The following SLCO6A1 variants were observed in gnomAD, a reference collection of about 807,000 sequenced individuals.
SLCO6A1 encodes solute carrier organic anion transporter family member 6A1.
In SLCO6A1, 65 loss-of-function variants were observed where a neutral mutation model predicts 72.7. The observed-to-expected ratio is 0.89, with a 90% CI of 0.73 to 1.10. SLCO6A1 has a LOEUF of 1.10. Among genes scored for constraint, SLCO6A1 ranks in the 50% least tolerant of loss-of-function variants. The pLI, the probability that SLCO6A1 is intolerant of heterozygous loss-of-function variation, is 0.00. For synonymous variants in SLCO6A1, 314 were observed against 298.2 expected, an observed-to-expected ratio of 1.05 and a Z score of -0.55; for missense variants, 874 against 872.6, an observed-to-expected ratio of 1.00 and a Z score of -0.02.
intron 12 of SLCO6A1, among the ~76,000 whole-genome samples, chr5:102,388,002 T>C (rs1305820941): frequency 1.3e-5 from 2 of 152,144 alleles, no homozygotes; most frequent in African/African-American, 2.4e-5. Context: ...TATTGAAAGG[T>C]TATTGTGTTC....
At chr5:102,471,906 G>A (rs1580490318) in intron 4 of SLCO6A1, among the ~76,000 whole-genome samples, 2 of 152,058 alleles carry the variant, frequency 1.3e-5, no homozygotes, top group East Asian at 3.9e-4. Context: ...AGCCCTGAAT[G>A]TCATTGGAAT....
At chr5:102,438,898 T>C in intron 6 of SLCO6A1, 137 bp from the exon 7 acceptor site, 2 of 331,480 alleles carry the variant, frequency 6.0e-6, no homozygotes, top group Non-Finnish European at 1.1e-5. Context: ...GATAGATAGA[T>C]GATAGATAGA....
At chr5:102,462,580 C>T (rs1561482588) in intron 4 of SLCO6A1, among the ~76,000 whole-genome samples, 2 of 152,226 alleles carry the variant, frequency 1.3e-5, no homozygotes, top group Non-Finnish European at 2.9e-5. Context: ...ATAAATAAAG[C>T]CAAATACTTG....
intron 7 of SLCO6A1, among the ~76,000 whole-genome samples, chr5:102,425,834 AAG>A (rs143762186): frequency 0.64 from 95,983 of 150,990 alleles, 30,585 homozygotes; most frequent in African/African-American, 0.66. Context: ...CAAATGAACA[AAG>A]CTGGAAGCAT....
chr5:102,395,773 G>T (rs1268829911), intron 10 of SLCO6A1, among the ~76,000 whole-genome samples: 1 of 152,058 alleles, frequency 6.6e-6, no homozygotes, highest in Non-Finnish European at 1.5e-5. Flanking sequence ...GTTTTGATTT[G>T]CATTTCTCTG....
At chr5:102,446,394 G>T (rs1325659609) in intron 6 of SLCO6A1, among the ~76,000 whole-genome samples, 1 of 152,090 alleles carries the variant, frequency 6.6e-6, no homozygotes, top group African/African-American at 2.4e-5. Flanking sequence ...GTAGAGAAAT[G>T]CTACTGATTT....
intron 1 of SLCO6A1, among the ~76,000 whole-genome samples, chr5:102,491,608 C>T (rs1243169104): frequency 6.6e-6 from 1 of 152,254 alleles, no homozygotes; most frequent in Non-Finnish European, 1.5e-5. Flanking sequence ...CCCCTCACTG[C>T]CTGGGGCCTG....
intron 9 of SLCO6A1, among the ~76,000 whole-genome samples, chr5:102,401,762 C>A (rs1747410654): frequency 6.6e-6 from 1 of 152,062 alleles, no homozygotes; most frequent in Non-Finnish European, 1.5e-5. Flanking sequence ...AAAATAAACA[C>A]CATGATTTCA....
chr5:102,438,568 A>G (rs2112679543), intron 7 of SLCO6A1, 49 bp downstream of exon 7: 1 of 1,486,260 alleles, frequency 6.7e-7, no homozygotes, highest in Non-Finnish European at 9.1e-7. Context: ...AAGTACATAC[A>G]ATAAGACAGT....
intron 1 of SLCO6A1, among the ~76,000 whole-genome samples, chr5:102,490,097 G>T (rs1171000734): frequency 6.6e-6 from 1 of 152,188 alleles, no homozygotes; most frequent in Non-Finnish European, 1.5e-5. Flanking sequence ...AGGGTGGAAG[G>T]AGGGATGCAC....
intron 1 of SLCO6A1, among the ~76,000 whole-genome samples, chr5:102,483,067 A>G (rs1580513123): frequency 6.6e-6 from 1 of 152,334 alleles, no homozygotes; most frequent in East Asian, 1.9e-4. Flanking sequence ...GTCACTATAA[A>G]TAAGACCCCA....
At chr5:102,393,478 C>A (rs1352637566) in intron 10 of SLCO6A1, among the ~76,000 whole-genome samples, 1 of 152,110 alleles carries the variant, frequency 6.6e-6, no homozygotes, top group Non-Finnish European at 1.5e-5. Flanking sequence ...ATCTTCCATC[C>A]TTCAGGGTTT....
chr5:102,486,093 A>C (rs1752433378), intron 1 of SLCO6A1, among the ~76,000 whole-genome samples: 1 of 152,202 alleles, frequency 6.6e-6, no homozygotes, highest in Non-Finnish European at 1.5e-5. Context: ...GTCTCTATTT[A>C]TGATTACTTT....
rs915578491 is a variant in SLCO6A1 at position 102,458,058 on chromosome 5, A to G, written c.1131+324T>C. 2.0e-5 allele frequency among the ~76,000 whole-genome samples: 3 copies of G among 151,586 alleles called. No homozygotes were observed. The East Asian group carries it at 5.9e-4, about 30-fold the overall frequency. ...TAGGTGGGAATTGAACAATAAGAACACATGGACACAGGAAGGGGAACATCA... is the reference window on the plus strand; with the variant it reads ...TAGGTGGGAATTGAACAATAAGAACGCATGGACACAGGAAGGGGAACATCA... On this transcript the variant is annotated intron_variant, in intron 6 of 13. Transcript: ENST00000506729.
intron 1 of SLCO6A1, among the ~76,000 whole-genome samples, chr5:102,495,387 A>G (rs1561507456): frequency 6.6e-6 from 1 of 152,194 alleles, no homozygotes; most frequent in Non-Finnish European, 1.5e-5. Context: ...AGAAGTCAGG[A>G]GTTTGAGACC....
intron 1 of SLCO6A1, among the ~76,000 whole-genome samples, chr5:102,483,903 T>C (rs572822576): frequency 2.2e-4 from 33 of 152,316 alleles, no homozygotes; most frequent in South Asian, 1.7e-3. Flanking sequence ...TGAGTTTGAG[T>C]TCAACTTATG....
intron 9 of SLCO6A1, among the ~76,000 whole-genome samples, chr5:102,412,387 T>C (rs960430637): frequency 6.6e-6 from 1 of 152,268 alleles, no homozygotes; most frequent in Admixed American, 6.5e-5. Flanking sequence ...AGTTTGACTC[T>C]TTTCATTGAC....
chr5:102,443,184 G>A (rs1036132218), intron 6 of SLCO6A1, among the ~76,000 whole-genome samples: 3 of 152,022 alleles, frequency 2.0e-5, no homozygotes, highest in African/African-American at 7.3e-5. Context: ...GAGACAGAGC[G>A]AGACTCCATC....
intron 9 of SLCO6A1, among the ~76,000 whole-genome samples, chr5:102,404,057 T>C (rs571378861): frequency 6.6e-6 from 1 of 152,342 alleles, no homozygotes; most frequent in African/African-American, 2.4e-5. Context: ...ACTTGCCAAT[T>C]TATTCCCTTC....
Sources: gnomAD v4.1 joint callset for allele counts (sites outside exome capture counted in the v4.1 genomes callset) on GRCh38, gnomAD v4.1.1 for gene constraint, MANE v1.5 for transcripts, NCBI Gene and HGNC (gene_info 2026-07-23, HGNC 2026-07-21) for gene names.